The following CSMD1 variants were observed in gnomAD, a reference collection of about 807,000 sequenced individuals.
CSMD1 encodes the protein CUB and Sushi multiple domains 1, also known as CUB and sushi domain-containing protein 1.
In CSMD1, 213 loss-of-function variants were observed where a neutral mutation model predicts 417.5. The observed-to-expected ratio is 0.51, with a 90% CI of 0.46 to 0.57. CSMD1 has a LOEUF of 0.57. Among genes scored for constraint, CSMD1 ranks in the 20% least tolerant of loss-of-function variants. CSMD1 has a pLI of 0.00. For missense variants in CSMD1, 6,923 were observed against 4,529.7 expected (o/e 1.53, Z -15.17); for synonymous variants, 2,862 against 1,736.8 (o/e 1.65, Z -16.11).
At chr8:3,852,129 C>T (rs574581807) in intron 5 of CSMD1, among the ~76,000 whole-genome samples, 3 of 152,128 alleles carry the variant, frequency 2.0e-5, no homozygotes, top group East Asian at 3.9e-4. Context: ...CAAAAACCAT[C>T]GATACAAATA....
At chr8:4,383,409 C>T (rs1335369836) in intron 3 of CSMD1, among the ~76,000 whole-genome samples, 1 of 152,132 alleles carries the variant, frequency 6.6e-6, no homozygotes, top group African/African-American at 2.4e-5. Context: ...ACATGCCTTG[C>T]CTCATTTCCG....
At chr8:3,251,539 C>T (rs189499233) in intron 26 of CSMD1, among the ~76,000 whole-genome samples, 2,303 of 152,174 alleles carry the variant, frequency 0.015, 20 homozygotes, top group African/African-American at 0.026. Context: ...ATTGACTTGG[C>T]GATGCGGGCT....
chr8:4,433,425 G>T (rs1043336742), intron 2 of CSMD1, among the ~76,000 whole-genome samples: 4 of 152,170 alleles, frequency 2.6e-5, no homozygotes, highest in African/African-American at 7.2e-5. Flanking sequence ...TTTGAACCAG[G>T]AATAGGGCAC....
intron 17 of CSMD1, among the ~76,000 whole-genome samples, chr8:3,388,073 C>T (rs7009584): frequency 0.49 from 73,749 of 151,940 alleles, 18,087 homozygotes; most frequent in Middle Eastern, 0.52. Flanking sequence ...GACATATGTA[C>T]TTCTATATTT....
At chr8:4,576,564 G>A (rs1799145632) in intron 2 of CSMD1, among the ~76,000 whole-genome samples, 2 of 152,140 alleles carry the variant, frequency 1.3e-5, no homozygotes, top group African/African-American at 2.4e-5. Flanking sequence ...TGTTGGCAGG[G>A]GGTGGGGTGT....
intron 46 of CSMD1, among the ~76,000 whole-genome samples, chr8:3,101,615 T>C (rs759346576): frequency 1.3e-5 from 2 of 151,520 alleles, no homozygotes; most frequent in African/African-American, 2.4e-5. Context: ...TTAGTAGAGA[T>C]AGGTTTTCAC....
intron 1 of CSMD1, among the ~76,000 whole-genome samples, chr8:4,757,819 C>T (rs985665229): frequency 6.6e-6 from 1 of 151,810 alleles, no homozygotes; most frequent in East Asian, 1.9e-4. Flanking sequence ...ATTAGCGAGG[C>T]ACGGTGGCGC....
At chr8:4,019,741 A>G (rs1796697072) in intron 4 of CSMD1, among the ~76,000 whole-genome samples, 1 of 151,982 alleles carries the variant, frequency 6.6e-6, no homozygotes, top group Non-Finnish European at 1.5e-5. Flanking sequence ...CCTGTTGTAG[A>G]AGTAGTTTTC....
At chr8:4,341,183 G>C (rs192583310) in intron 3 of CSMD1, among the ~76,000 whole-genome samples, 2 of 152,114 alleles carry the variant, frequency 1.3e-5, no homozygotes, top group East Asian at 1.9e-4. Flanking sequence ...TCTATATTTG[G>C]GGATTCAAAT....
chr8:4,682,747 G>C (rs1806128063), intron 1 of CSMD1, among the ~76,000 whole-genome samples: 2 of 151,156 alleles, frequency 1.3e-5, no homozygotes, highest in Non-Finnish European at 3.0e-5. Context: ...TGCTGTCTTA[G>C]CTTGAAAAAA....
chr8:3,520,590 G>C (rs182591542), intron 10 of CSMD1, among the ~76,000 whole-genome samples: 5 of 152,210 alleles, frequency 3.3e-5, no homozygotes, highest in African/African-American at 9.6e-5. Context: ...AAAACTCACA[G>C]ACAACACCAT....
intron 3 of CSMD1, among the ~76,000 whole-genome samples, chr8:4,390,225 T>C (rs1296311552): frequency 2.6e-5 from 4 of 152,210 alleles, no homozygotes; most frequent in Admixed American, 6.5e-5. Flanking sequence ...AGGTTTCCTC[T>C]TTTGTGCCTT....
At chr8:2,966,461 C>T (rs371861922) in intron 58 of CSMD1, 109 bp downstream of exon 58, 3 of 984,420 alleles carry the variant, frequency 3.0e-6, no homozygotes, top group Admixed American at 2.9e-5. Flanking sequence ...CTTTTTTCCT[C>T]TATGAATTAA....
chr8:3,841,444 A>G (rs1266567816), intron 5 of CSMD1, among the ~76,000 whole-genome samples: 2 of 152,158 alleles, frequency 1.3e-5, no homozygotes, highest in African/African-American at 4.8e-5. Context: ...AATCTTTGAC[A>G]TTCTTTCACT....
intron 2 of CSMD1, among the ~76,000 whole-genome samples, chr8:4,582,013 T>C (rs1050419194): frequency 1.3e-5 from 2 of 152,016 alleles, no homozygotes; most frequent in East Asian, 1.9e-4. Context: ...CCTACGATGA[T>C]GAAATGAAAC....
chr8:3,263,388 C>T (rs530447040), intron 26 of CSMD1, among the ~76,000 whole-genome samples: 13 of 152,254 alleles, frequency 8.5e-5, no homozygotes, highest in East Asian at 1.9e-4. Flanking sequence ...CATGAGCCAC[C>T]GTGCCAGGCC....
At chr8:3,327,925 C>G (rs1227308566) in intron 23 of CSMD1, among the ~76,000 whole-genome samples, 1 of 152,120 alleles carries the variant, frequency 6.6e-6, no homozygotes, top group East Asian at 1.9e-4. Flanking sequence ...TCACCTTGAA[C>G]TCTGTAAATG....
At position 3,265,193 on chromosome 8, in the gene CSMD1, A is replaced by G. The variant is rs1801347550; in HGVS notation, c.4153+18951T>C. 2.0e-5 allele frequency among the ~76,000 whole-genome samples: 3 copies of G among 152,228 alleles called. No individual in the cohort carries two copies. In the South Asian group the frequency reaches 6.2e-4, roughly 32 times the overall value. On this transcript the variant is annotated intron_variant, in intron 26 of 69. Coordinates refer to ENST00000635120, the MANE Select transcript of CSMD1 (RefSeq NM_033225.6). Reference sequence around the variant, plus strand: ...TCACTAGAACCAATAACTAAAAAATAAGAATCAGAAAATAAGCACAGACAC... The same window carrying G: ...TCACTAGAACCAATAACTAAAAAATGAGAATCAGAAAATAAGCACAGACAC...
At chr8:4,029,483 A>C (rs1797231286) in intron 4 of CSMD1, among the ~76,000 whole-genome samples, 1 of 152,126 alleles carries the variant, frequency 6.6e-6, no homozygotes, top group African/African-American at 2.4e-5. Flanking sequence ...CCATTTTTAA[A>C]ACCATCAGAT....
Sources: allele counts gnomAD v4.1 joint callset (sites outside exome capture counted in the v4.1 genomes callset), GRCh38; gene constraint gnomAD v4.1.1; transcripts MANE v1.5; gene names NCBI Gene and HGNC (gene_info 2026-07-23, HGNC 2026-07-21).